Variants in FOXP1 observed in about 807,000 individuals in gnomAD.
FOXP1 encodes the protein forkhead box protein P1.
In FOXP1, 15 loss-of-function variants were observed where a neutral mutation model predicts 98.2. The ratio of observed to expected loss-of-function variants is 0.15; its 90% confidence interval spans 0.10 to 0.24. The LOEUF (loss-of-function observed/expected upper bound fraction) is 0.24. Among genes scored for constraint, FOXP1 ranks in the 10% least tolerant of loss-of-function variants. The pLI is 1.00. For missense variants in FOXP1, 633 were observed against 848.5 expected, an observed-to-expected ratio of 0.75 and a Z score of 3.15; for synonymous variants, 371 against 314.5, an observed-to-expected ratio of 1.18 and a Z score of -1.90.
chr3:71,304,345 T>C (rs1181358128), intron 4 of FOXP1, among the ~76,000 whole-genome samples: 1 of 152,236 alleles, frequency 6.6e-6, no homozygotes, highest in Non-Finnish European at 1.5e-5. Flanking sequence ...AGCCTTTAAA[T>C]GTTGAAACCT....
intron 2 of FOXP1, among the ~76,000 whole-genome samples, chr3:71,529,124 C>A (rs573601358): frequency 6.6e-6 from 1 of 152,328 alleles, no homozygotes; most frequent in South Asian, 2.1e-4. Context: ...GACTCTGTAA[C>A]TCAGCTAGGA....
chr3:71,105,057 G>C (rs530174197), intron 7 of FOXP1, among the ~76,000 whole-genome samples: 1 of 152,330 alleles, frequency 6.6e-6, no homozygotes, highest in East Asian at 1.9e-4. Context: ...TTATTAAGCA[G>C]CTGATTGTGG....
intron 7 of FOXP1, among the ~76,000 whole-genome samples, chr3:71,075,153 C>T (rs2053666127): frequency 6.6e-6 from 1 of 152,174 alleles, no homozygotes; most frequent in Non-Finnish European, 1.5e-5. Flanking sequence ...GAGACACTGC[C>T]ATCGGTTCTG....
chr3:71,270,518 G>T (rs1355146250), intron 5 of FOXP1, among the ~76,000 whole-genome samples: 2 of 152,156 alleles, frequency 1.3e-5, no homozygotes, highest in Admixed American at 1.3e-4. Flanking sequence ...GAAGAGAGAA[G>T]GCGCCAAATA....
chr3:71,511,562 T>C (rs970772717), intron 2 of FOXP1, among the ~76,000 whole-genome samples: 3 of 151,872 alleles, frequency 2.0e-5, no homozygotes, highest in Non-Finnish European at 2.9e-5. Flanking sequence ...TCCTAAACAA[T>C]GTAGGCAAGT....
Position 71,334,168 on chromosome 3 carries a change from G to A in FOXP1, c.-73+24982C>T, listed in dbSNP as rs192750465. On this transcript the variant is annotated intron_variant, in intron 4 of 20. Transcript: ENST00000649528. ...CACGCCTGTTATCCCACCACTTTGT[G>A]AGGCCAAGGTGGGAGGACTGCTTGA... is the stretch of plus-strand genomic sequence containing the variant. 6.8e-4 allele frequency: 103 copies of A among 152,436 alleles called. 1 individual carries two copies. Among genetic ancestry groups the A allele is most frequent in the Middle Eastern group, 3.4e-3 (1 of 294 alleles). The allele number at this position is 152,436 out of a possible 1,614,324, so 9.4% of individuals were successfully genotyped here.
intron 3 of FOXP1, among the ~76,000 whole-genome samples, chr3:71,485,735 C>G (rs1446644703): frequency 1.3e-5 from 2 of 150,990 alleles, no homozygotes; most frequent in African/African-American, 4.9e-5. Context: ...TACCACATAC[C>G]ACTCCACTCC....
At chr3:70,966,216 G>T (rs1047640881) in intron 19 of FOXP1, 160 bp from the exon 20 acceptor site, 3 of 714,510 alleles carry the variant, frequency 4.2e-6, no homozygotes, top group Admixed American at 2.1e-5. Flanking sequence ...CTTTAAAAAC[G>T]ACTCGTGGCA....
chr3:71,312,651 C>T (rs951300298), intron 4 of FOXP1, among the ~76,000 whole-genome samples: 10 of 152,148 alleles, frequency 6.6e-5, no homozygotes, highest in East Asian at 1.9e-4. Flanking sequence ...ATGGTGCTGC[C>T]GCACAATAGC....
intron 2 of FOXP1, among the ~76,000 whole-genome samples, chr3:71,566,809 T>C (rs915773034): frequency 6.6e-6 from 1 of 152,166 alleles, no homozygotes; most frequent in Non-Finnish European, 1.5e-5. Context: ...GCTCTGCTCA[T>C]CTTCAGCTTC....
chr3:71,563,756 G>A (rs987835207), intron 2 of FOXP1, among the ~76,000 whole-genome samples: 3 of 152,198 alleles, frequency 2.0e-5, no homozygotes, highest in Non-Finnish European at 4.4e-5. Context: ...ACCCAAGGTG[G>A]AACGTCAAAG....
chr3:71,020,012 C>T (rs1054546509), intron 11 of FOXP1, among the ~76,000 whole-genome samples: 4 of 152,042 alleles, frequency 2.6e-5, no homozygotes, highest in Non-Finnish European at 4.4e-5. Context: ...TAGGTAAAGA[C>T]CAGAATTATG....
chr3:71,438,148 G>T (rs376858202), intron 3 of FOXP1, among the ~76,000 whole-genome samples: 1 of 152,148 alleles, frequency 6.6e-6, no homozygotes, highest in Non-Finnish European at 1.5e-5. Flanking sequence ...GTTCAGTTAC[G>T]CACAGGAATT....
intron 4 of FOXP1, among the ~76,000 whole-genome samples, chr3:71,303,376 T>C (rs2074010440): frequency 6.6e-6 from 1 of 152,074 alleles, no homozygotes; most frequent in African/African-American, 2.4e-5. Flanking sequence ...GTTCAGTAGG[T>C]CTATGGCTAG....
At chr3:71,343,420 T>C (rs1340671787) in intron 4 of FOXP1, among the ~76,000 whole-genome samples, 3 of 152,162 alleles carry the variant, frequency 2.0e-5, no homozygotes, top group African/African-American at 7.2e-5. Flanking sequence ...CTAAATAAAA[T>C]AGCTGGATCT....
chr3:71,309,599 CCT>C (rs1356116239), intron 4 of FOXP1, among the ~76,000 whole-genome samples: 10 of 152,156 alleles, frequency 6.6e-5, no homozygotes, highest in Admixed American at 6.5e-4. Flanking sequence ...ATCCCCACCC[CCT>C]GAGCCAACCC....
intron 4 of FOXP1, among the ~76,000 whole-genome samples, chr3:71,316,040 T>C (rs1208183290): frequency 6.6e-6 from 1 of 152,166 alleles, no homozygotes; most frequent in Non-Finnish European, 1.5e-5. Context: ...GGAGAGATCA[T>C]TTCATTAGGA....
intron 3 of FOXP1, among the ~76,000 whole-genome samples, chr3:71,392,143 C>T (rs1302869084): frequency 6.6e-6 from 1 of 152,136 alleles, no homozygotes; most frequent in Non-Finnish European, 1.5e-5. Context: ...GGCACATTTC[C>T]TAAAGATTTT....
chr3:71,088,147 C>G (rs1198961167), intron 7 of FOXP1, among the ~76,000 whole-genome samples: 1 of 152,186 alleles, frequency 6.6e-6, no homozygotes, highest in East Asian at 1.9e-4. Flanking sequence ...GAAAGAGCAA[C>G]CAAGCTTGTT....
Sources: gnomAD v4.1 joint callset for allele counts (sites outside exome capture counted in the v4.1 genomes callset) on GRCh38, gnomAD v4.1.1 for gene constraint, MANE v1.5 for transcripts, NCBI Gene and HGNC (gene_info 2026-07-23, HGNC 2026-07-21) for gene names.